ATP6V1C1: variants seen among roughly 807,000 people sequenced by gnomAD.
ATP6V1C1 encodes ATPase H+ transporting V1 subunit C1, also known as V-type proton ATPase subunit C 1.
Under a neutral mutation model 53.9 loss-of-function variants are expected in ATP6V1C1, and 45 were observed. That is an observed-to-expected ratio of 0.83 (90% confidence interval 0.66 to 1.07). The LOEUF (loss-of-function observed/expected upper bound fraction) is 1.07. Among genes scored for constraint, ATP6V1C1 ranks in the 50% least tolerant of loss-of-function variants. The probability of loss-of-function intolerance (pLI) is 0.00; values close to 1 mark genes in which losing one functional copy is unlikely to be tolerated. For missense variants in ATP6V1C1, 315 were observed against 440.3 expected (o/e 0.72, Z 2.55); for synonymous variants, 153 against 155.2 (o/e 0.99, Z 0.11).
At chr8:103,035,955 A>G (rs1301965131) in intron 1 of ATP6V1C1, among the ~76,000 whole-genome samples, 2 of 152,144 alleles carry the variant, frequency 1.3e-5, no homozygotes, top group Non-Finnish European at 2.9e-5. Context: ...ATGCTACTTT[A>G]GAAATTGTGA....
At chr8:103,023,679 AG>A (rs1372665805) in intron 1 of ATP6V1C1, among the ~76,000 whole-genome samples, 2 of 152,228 alleles carry the variant, frequency 1.3e-5, no homozygotes, top group African/African-American at 4.8e-5. Flanking sequence ...TTGTTCTCAC[AG>A]TTCTTTGAAA....
At position 103,048,974 on chromosome 8, in the gene ATP6V1C1, T is replaced by C. The variant is rs1817153098; in HGVS notation, c.286+19T>C. The C allele has an allele frequency of 1.3e-6, 2 of 1,593,970 alleles. No homozygotes were observed. Among genetic ancestry groups the C allele is most frequent in the Non-Finnish European group, 1.7e-6 (2 of 1,163,304 alleles). On this transcript the variant is annotated intron_variant, in intron 4 of 12. Transcript: ENST00000518738. The stretch of plus-strand genomic sequence containing the variant: ...AATGGAGGTAAGCTAATGCTCATGA[T>C]TGATCATTATTAACTCATACAAAGC...
chr8:103,046,687 T>C (rs1163129326), intron 3 of ATP6V1C1, among the ~76,000 whole-genome samples: 1 of 152,202 alleles, frequency 6.6e-6, no homozygotes, highest in Non-Finnish European at 1.5e-5. Context: ...AATCATGTCG[T>C]TGTTAGACTT....
intron 3 of ATP6V1C1, among the ~76,000 whole-genome samples, chr8:103,046,274 A>T (rs180809748): frequency 6.6e-5 from 10 of 152,180 alleles, no homozygotes; most frequent in African/African-American, 2.4e-4. Context: ...TGGTGCAATC[A>T]TAGCTCATTG....
chr8:103,064,478 A>G (rs987178452), intron 10 of ATP6V1C1: 2 of 323,672 alleles, frequency 6.2e-6, no homozygotes, highest in African/African-American at 4.3e-5. Context: ...TGTGTTAGTG[A>G]ATTGGTTCAA....
chr8:103,021,623 G>T (rs1286103794), intron 1 of ATP6V1C1, among the ~76,000 whole-genome samples: 1 of 145,504 alleles, frequency 6.9e-6, no homozygotes, highest in East Asian at 2.1e-4. Flanking sequence ...CACTGGGTGT[G>T]TGTTGGGGGG....
intron 1 of ATP6V1C1, among the ~76,000 whole-genome samples, chr8:103,031,549 A>C (rs1816796126): frequency 6.6e-6 from 1 of 152,098 alleles, no homozygotes; most frequent in South Asian, 2.1e-4. Flanking sequence ...TACTATGGGG[A>C]GGGCATTCTC....
intron 3 of ATP6V1C1, among the ~76,000 whole-genome samples, chr8:103,043,289 A>G (rs1348478279): frequency 2.0e-5 from 3 of 151,768 alleles, no homozygotes; most frequent in Non-Finnish European, 2.9e-5. Flanking sequence ...CTTTTTGATT[A>G]TAGCCATCCC....
intron 8 of ATP6V1C1, among the ~76,000 whole-genome samples, chr8:103,056,556 G>C (rs1817292199): frequency 6.6e-6 from 1 of 152,210 alleles, no homozygotes; most frequent in African/African-American, 2.4e-5. Flanking sequence ...CAAGGAAGAA[G>C]AAGTTAAAAT....
chr8:103,036,826 AATC>A (rs1308882895), intron 1 of ATP6V1C1, among the ~76,000 whole-genome samples: 1 of 152,210 alleles, frequency 6.6e-6, no homozygotes, highest in Non-Finnish European at 1.5e-5. Flanking sequence ...AATTTAGCAC[AATC>A]ATCAGGAAGA....
At position 103,055,844 on chromosome 8, in the gene ATP6V1C1, A is replaced by G. The variant is rs374508511; in HGVS notation, c.573-24A>G. On this transcript the variant is annotated intron_variant, in intron 7 of 12. Transcript: ENST00000518738. ...AAATAGGACTTGTTTTTCTTTTCCA[A>G]TGTGTATTGTACCTTTTCTGCAGGT... is the stretch of plus-strand genomic sequence containing the variant. The G allele has an allele frequency of 1.9e-5, 30 of 1,598,266 alleles. No homozygotes were observed. In the Admixed American group the frequency reaches 3.5e-4, roughly 18 times the overall value.
chr8:103,037,318 A>G (rs1816916179), intron 1 of ATP6V1C1, among the ~76,000 whole-genome samples: 1 of 152,152 alleles, frequency 6.6e-6, no homozygotes, highest in Admixed American at 6.5e-5. Flanking sequence ...CCCCCGAAAT[A>G]CTTTTTTAAA....
chr8:103,057,446 G>A lies in ATP6V1C1; in HGVS notation c.641+1510G>A, dbSNP rs150561505. On this transcript the variant is annotated intron_variant, in intron 8 of 12. Transcript: ENST00000518738. ...CTCCCAATCAGTCTGATTTGTTGCAGACAGCCAATTTCCCATCTGCCATGC... is the reference window on the plus strand; with the variant it reads ...CTCCCAATCAGTCTGATTTGTTGCAAACAGCCAATTTCCCATCTGCCATGC... Among the ~76,000 whole-genome samples, 119 of 152,356 alleles carry A rather than the reference G, an allele frequency of 7.8e-4. No individual in the cohort carries two copies. In the East Asian group the frequency reaches 0.013, roughly 17 times the overall value.
At chr8:103,067,396 C>CAAA (rs751801442) in intron 12 of ATP6V1C1, among the ~76,000 whole-genome samples, 2 of 71,930 alleles carry the variant, frequency 2.8e-5, no homozygotes, top group African/African-American at 4.6e-5. Flanking sequence ...GACTCCGTCC[C>CAAA]AAAAAAAAAA....
At chr8:103,056,753 C>T (rs980112923) in intron 8 of ATP6V1C1, among the ~76,000 whole-genome samples, 1 of 152,124 alleles carries the variant, frequency 6.6e-6, no homozygotes, top group Non-Finnish European at 1.5e-5. Context: ...ATCTCCACCC[C>T]AAAGGATTCT....
chr8:103,042,880 T>C (rs1426169415), intron 3 of ATP6V1C1, among the ~76,000 whole-genome samples: 1 of 152,242 alleles, frequency 6.6e-6, no homozygotes, highest in East Asian at 1.9e-4. Flanking sequence ...CTTCTTTTGC[T>C]TAGCATAATG....
intron 1 of ATP6V1C1, among the ~76,000 whole-genome samples, chr8:103,033,634 G>A (rs957470335): frequency 6.6e-6 from 1 of 152,100 alleles, no homozygotes; most frequent in African/African-American, 2.4e-5. Flanking sequence ...TTCTATGAGA[G>A]CATATAATAC....
intron 5 of ATP6V1C1, among the ~76,000 whole-genome samples, chr8:103,052,178 A>G (rs1034230717): frequency 2.0e-5 from 3 of 152,060 alleles, no homozygotes; most frequent in Non-Finnish European, 2.9e-5. Flanking sequence ...CACAGCTAAT[A>G]ATGCTAGAGC....
chr8:103,024,561 A>C (rs1816662272), intron 1 of ATP6V1C1, among the ~76,000 whole-genome samples: 1 of 152,160 alleles, frequency 6.6e-6, no homozygotes, highest in Non-Finnish European at 1.5e-5. Context: ...TCCTACTTAA[A>C]ATTTTGCTCT....
Sources: allele counts gnomAD v4.1 joint callset (sites outside exome capture counted in the v4.1 genomes callset), GRCh38; gene constraint gnomAD v4.1.1; transcripts MANE v1.5; gene names NCBI Gene and HGNC (gene_info 2026-07-23, HGNC 2026-07-21).